CDKN2B-AS1: variants seen among roughly 807,000 people sequenced by gnomAD.
CDKN2B-AS1 encodes the protein CDKN2B and CDKN2A antisense cis and trans regulatory RNA 1, also known as CDKN2B antisense RNA 1 (non-protein coding).
chr9:22,120,996 T>C (rs548696418), intron 4 of CDKN2B-AS1: 1 of 152,298 alleles, frequency 6.6e-6, no homozygotes, highest in African/African-American at 2.4e-5. Context: ...GGTAATTGGC[T>C]GGGATTTGAA....
chr9:22,031,002 A>C (rs1340805108), intron 1 of CDKN2B-AS1: 1 of 152,144 alleles, frequency 6.6e-6, no homozygotes, highest in Non-Finnish European at 1.5e-5. Flanking sequence ...TAGCTTCTTA[A>C]ACCGGCATCA....
At chr9:22,046,646 G>A (rs1823121177) in intron 1 of CDKN2B-AS1, 1 of 152,168 alleles carries the variant, frequency 6.6e-6, no homozygotes, top group Admixed American at 6.6e-5. Flanking sequence ...TATCCAAGGT[G>A]ATAAAAGTGT....
At chr9:22,008,588 T>TA (rs893631508) in intron 1 of CDKN2B-AS1, 27 of 1,425,760 alleles carry the variant, frequency 1.9e-5, no homozygotes, top group Middle Eastern at 3.5e-4. Context: ...CAAAAACCAC[T>TA]AAAAAAAGCT....
chr9:22,007,118 G>A (rs985426078), intron 1 of CDKN2B-AS1, among the ~76,000 whole-genome samples: 4 of 152,140 alleles, frequency 2.6e-5, no homozygotes, highest in African/African-American at 9.7e-5. Flanking sequence ...CCAGCACTTT[G>A]GGAGGCCATA....
At chr9:22,022,247 C>T (rs1485035751) in intron 1 of CDKN2B-AS1, among the ~76,000 whole-genome samples, 3 of 151,756 alleles carry the variant, frequency 2.0e-5, no homozygotes, top group Non-Finnish European at 4.4e-5. Context: ...CTAATATTCT[C>T]ACTGGGGTGT....
intron 4 of CDKN2B-AS1, among the ~76,000 whole-genome samples, chr9:22,082,022 T>C (rs1587505991): frequency 6.6e-6 from 1 of 152,248 alleles, no homozygotes; most frequent in Non-Finnish European, 1.5e-5. Flanking sequence ...GATAAAGGTA[T>C]TGACCTCTTG....
At chr9:22,119,192 T>C (rs1826037163) in intron 4 of CDKN2B-AS1, 1 of 152,106 alleles carries the variant, frequency 6.6e-6, no homozygotes, top group African/African-American at 2.4e-5. Context: ...TATAGTACAC[T>C]GTGTCTGGCA....
intron 3 of CDKN2B-AS1, among the ~76,000 whole-genome samples, chr9:22,054,936 G>A (rs1302427947): frequency 6.6e-6 from 1 of 151,824 alleles, no homozygotes; most frequent in African/African-American, 2.4e-5. Flanking sequence ...ATTTTTAGTA[G>A]AGATGGGGTT....
In CDKN2B-AS1 at chr9:22,005,111, C is replaced by CGTGT. The variant is rs1563912738; in HGVS notation, n.29+9950_29+9951insGTGT. The CGTGT allele has an allele frequency of 6.3e-6, 1 of 159,560 alleles. No homozygotes were observed. 9.9% of individuals were successfully genotyped at this position (159,560 alleles called of 1,614,324 possible). A position where few individuals can be genotyped will look rare whatever the true frequency, so the allele number is the denominator to read the frequency against. On this transcript the variant is annotated intron_variant and non_coding_transcript_variant, in intron 1 of 4. Transcript: ENST00000650946. This position sits in a 1 kb window ranked among gnomAD's most constrained non-coding sequence, Gnocchi z 4.9. ...TCATAAGGGGATTTCCGCATCCTAGCATGTGTGTGTGTGTGTGTGTGTGTG... is the reference window on the plus strand; with the variant it reads ...TCATAAGGGGATTTCCGCATCCTAGCGTGTATGTGTGTGTGTGTGTGTGTGTGTG...
At chr9:22,092,951 G>C (rs1435833031) in intron 4 of CDKN2B-AS1, among the ~76,000 whole-genome samples, 2 of 152,098 alleles carry the variant, frequency 1.3e-5, no homozygotes, top group Non-Finnish European at 2.9e-5. Flanking sequence ...CCTTTCTCTT[G>C]TGGGCATTTA....
chr9:22,110,757 C>T (rs916316703), intron 4 of CDKN2B-AS1, among the ~76,000 whole-genome samples: 1 of 152,118 alleles, frequency 6.6e-6, no homozygotes, highest in African/African-American at 2.4e-5. Flanking sequence ...TCTTTAGATG[C>T]CCTGTATTTC....
chr9:22,064,315 G>C (rs1823946869), intron 4 of CDKN2B-AS1, among the ~76,000 whole-genome samples: 1 of 152,162 alleles, frequency 6.6e-6, no homozygotes, highest in Admixed American at 6.5e-5. Context: ...GTGGCATTAA[G>C]GAGCCAATAA....
At chr9:22,110,375 A>C (rs905726087) in intron 4 of CDKN2B-AS1, among the ~76,000 whole-genome samples, 3 of 152,178 alleles carry the variant, frequency 2.0e-5, no homozygotes, top group African/African-American at 7.2e-5. Context: ...AAAACCATTA[A>C]GTTGACATTT....
chr9:22,045,526 A>G (rs1261899747), intron 1 of CDKN2B-AS1, among the ~76,000 whole-genome samples: 1 of 152,120 alleles, frequency 6.6e-6, no homozygotes, highest in African/African-American at 2.4e-5. Context: ...CAAATAGTTT[A>G]GCTTCACTAA....
chr9:22,048,646 C>T (rs984189042), intron 2 of CDKN2B-AS1, among the ~76,000 whole-genome samples: 15 of 152,072 alleles, frequency 9.9e-5, no homozygotes, highest in Non-Finnish European at 1.8e-4. Context: ...TATCCAGTCA[C>T]CAATCCAATC....
chr9:22,031,330 T>G (rs1822460518), intron 1 of CDKN2B-AS1, among the ~76,000 whole-genome samples: 1 of 152,194 alleles, frequency 6.6e-6, no homozygotes, highest in Non-Finnish European at 1.5e-5. Context: ...CTCCAGTGCT[T>G]GTTACTGCAC....
intron 1 of CDKN2B-AS1, among the ~76,000 whole-genome samples, chr9:22,031,657 CTG>C (rs1178527571): frequency 3.9e-5 from 6 of 152,142 alleles, no homozygotes; most frequent in African/African-American, 1.4e-4. Flanking sequence ...AACAAAGAAA[CTG>C]AGAGCAGATC....
chr9:22,050,694 G>T (rs912058951), intron 3 of CDKN2B-AS1, among the ~76,000 whole-genome samples: 2 of 152,158 alleles, frequency 1.3e-5, no homozygotes, highest in Non-Finnish European at 2.9e-5. Flanking sequence ...ATTGGAGGTG[G>T]TAATCATTTT....
At position 22,050,856 on chromosome 9, in the gene CDKN2B-AS1, A is replaced by T. The variant is rs573722979; in HGVS notation, n.302+1628A>T. On this transcript the variant is annotated intron_variant and non_coding_transcript_variant, in intron 3 of 4. Coordinates refer to ENST00000650946, the Ensembl canonical transcript of CDKN2B-AS1. ...CCTTCAAATAGTTCACCTCAGTGGG[A>T]TCCAGTGTGTGACCTGCAAAGTGCT... 4.6e-5 allele frequency among the ~76,000 whole-genome samples: 7 copies of T among 152,298 alleles called. No individual in the cohort carries two copies. In the South Asian group the frequency reaches 1.4e-3, roughly 32 times the overall value.
Sources: gnomAD v4.1 joint callset for allele counts (sites outside exome capture counted in the v4.1 genomes callset) on GRCh38, gnomAD v4.1.1 for gene constraint, Gnocchi (gnomAD v3.1) non-coding constraint, MANE v1.5 for transcripts, NCBI Gene and HGNC (gene_info 2026-07-23, HGNC 2026-07-21) for gene names.